Variants in KIF16B observed in about 807,000 individuals in gnomAD.
KIF16B encodes the protein kinesin family member 16B.
KIF16B carries 98 observed loss-of-function variants against 156.3 expected under a neutral mutation model. That is an observed-to-expected ratio of 0.63 (90% CI 0.53 to 0.74). KIF16B has a LOEUF of 0.74. Among genes scored for constraint, KIF16B ranks in the 30% least tolerant of loss-of-function variants. The pLI is 0.00. For synonymous variants in KIF16B, 564 were observed against 583.7 expected (o/e 0.97, Z 0.49); for missense variants, 1,421 against 1,606.5 (o/e 0.88, Z 1.97).
rs915345873 is a variant in KIF16B at position 16,434,514 on chromosome 20, C to T, written c.1303-4532G>A. Among the ~76,000 whole-genome samples the T allele has an allele frequency of 4.6e-5, 7 of 152,122 alleles. 1 individual carries two copies. The South Asian group carries it at 1.5e-3, about 32-fold the overall frequency. ...CCAACAACAAAAATCTATTTTTTCC[C>T]CCTCTTAGAAAGTCTACCTGGGATC... On this transcript the variant is annotated intron_variant, in intron 12 of 25. Coordinates refer to ENST00000354981, the MANE Select transcript of KIF16B (RefSeq NM_024704.5).
chr20:16,434,469 G>T (rs1427609498), intron 12 of KIF16B, among the ~76,000 whole-genome samples: 2 of 150,764 alleles, frequency 1.3e-5, no homozygotes, highest in East Asian at 3.9e-4. Context: ...ATAGATAACC[G>T]AAAATGATAC....
chr20:16,295,374 A>C (rs1273739316), intron 25 of KIF16B, among the ~76,000 whole-genome samples: 1 of 152,122 alleles, frequency 6.6e-6, no homozygotes, highest in Non-Finnish European at 1.5e-5. Context: ...AATTCTATCT[A>C]GATAAATCTA....
rs140472300 is a variant in KIF16B, at chr20:16,391,983, C to A, written c.1785-10236G>T. 2.6e-5 allele frequency among the ~76,000 whole-genome samples: 4 copies of A among 152,294 alleles called. No individual in the cohort carries two copies. The East Asian group carries it at 7.7e-4, about 29-fold the overall frequency. ...AAACACAATGACAAGGAGTTACAGA[C>A]CACCTGAGTGAGGAGATGGTGTCAA... On this transcript the variant is annotated intron_variant, in intron 17 of 25. Transcript: ENST00000354981.
intron 16 of KIF16B, 111 bp from the exon 17 acceptor site, chr20:16,405,012 T>C: frequency 1.4e-6 from 1 of 714,644 alleles, no homozygotes; most frequent in Admixed American, 2.1e-5. Context: ...ATGCTCCTAA[T>C]TAACACGCAC....
chr20:16,441,834 G>C (rs529795593), intron 12 of KIF16B, among the ~76,000 whole-genome samples: 1 of 152,226 alleles, frequency 6.6e-6, no homozygotes, highest in South Asian at 2.1e-4. Context: ...CTACTTGTCA[G>C]GTGCTAGTCT....
Position 16,443,102 on chromosome 20 carries a change from T to A in KIF16B, c.1303-13120A>T, listed in dbSNP as rs570519454. Among the ~76,000 whole-genome samples the A allele has an allele frequency of 2.0e-5, 3 of 152,314 alleles. No homozygotes were observed. In the East Asian group the frequency reaches 5.8e-4, roughly 29 times the overall value. The stretch of plus-strand genomic sequence containing the variant: ...ATCAATGGAAATGTTCACTAGAGCA[T>A]GTTGGATTTCAGATTTCCAGATTAG... On this transcript the variant is annotated intron_variant, in intron 12 of 25. Coordinates refer to ENST00000354981, the MANE Select transcript of KIF16B (RefSeq NM_024704.5).
Position 16,410,154 on chromosome 20 carries a change from TAC to T in KIF16B, c.1613-3700_1613-3699del, listed in dbSNP as rs756931502. Among the ~76,000 whole-genome samples the T allele has an allele frequency of 3.4e-3, 401 of 117,224 alleles. 10 individuals are homozygous for T. Among genetic ancestry groups the T allele is most frequent in the African/African-American group, 4.1e-3 (112 of 27,408 alleles). The allele number at this position is 117,224 out of a possible 152,430, so 76.9% of individuals were successfully genotyped here. A position where few individuals can be genotyped will look rare whatever the true frequency, so the allele number is the denominator to read the frequency against. ...GTACATATATATATGTAGGTACATA[TAC>T]ATATATGTAGGTACATATATATATG... On this transcript the variant is annotated intron_variant, in intron 15 of 25. Coordinates refer to ENST00000354981, the MANE Select transcript of KIF16B (RefSeq NM_024704.5).
chr20:16,515,686 C>G, intron 3 of KIF16B, 22 bp from the exon 4 acceptor site: 2 of 1,266,000 alleles, frequency 1.6e-6, no homozygotes, highest in East Asian at 2.3e-5. Context: ...AAAGAACACA[C>G]AAAAGATACA....
intron 24 of KIF16B, among the ~76,000 whole-genome samples, chr20:16,315,884 G>A (rs1159786513): frequency 6.6e-6 from 1 of 152,190 alleles, no homozygotes; most frequent in Non-Finnish European, 1.5e-5. Context: ...GGTCCTACAG[G>A]TGGGGCTGGG....
At chr20:16,541,871 C>T (rs1315050601) in intron 1 of KIF16B, among the ~76,000 whole-genome samples, 1 of 152,180 alleles carries the variant, frequency 6.6e-6, no homozygotes, top group Non-Finnish European at 1.5e-5. Context: ...GCACAGATGG[C>T]CAGGCTTTTA....
intron 12 of KIF16B, among the ~76,000 whole-genome samples, chr20:16,443,172 GAA>G (rs200428457): frequency 0.011 from 1,690 of 152,238 alleles, 36 homozygotes; most frequent in African/African-American, 0.039. Flanking sequence ...GGAGAAGAGA[GAA>G]TATAACCCCC....
chr20:16,541,328 C>T (rs1568663985), intron 1 of KIF16B, among the ~76,000 whole-genome samples: 1 of 152,196 alleles, frequency 6.6e-6, no homozygotes, highest in Non-Finnish European at 1.5e-5. Context: ...GAACACAGCT[C>T]ACCACACAGC....
chr20:16,326,926 C>T (rs938082947), intron 24 of KIF16B, among the ~76,000 whole-genome samples: 9 of 151,174 alleles, frequency 6.0e-5, no homozygotes, highest in Admixed American at 2.6e-4. Context: ...GGAATCAGCC[C>T]AAATGCCCAT....
At chr20:16,408,273 T>C (rs1459315922) in intron 15 of KIF16B, among the ~76,000 whole-genome samples, 1 of 152,162 alleles carries the variant, frequency 6.6e-6, no homozygotes, top group African/African-American at 2.4e-5. Context: ...AAAAGGAGGA[T>C]AAGACAGTTT....
At chr20:16,449,700 T>C (rs1321558873) in intron 12 of KIF16B, among the ~76,000 whole-genome samples, 1 of 152,138 alleles carries the variant, frequency 6.6e-6, no homozygotes, top group African/African-American at 2.4e-5. Flanking sequence ...TCAAAATAGG[T>C]AAATTAAATA....
intron 12 of KIF16B, among the ~76,000 whole-genome samples, chr20:16,477,707 T>C (rs2067859198): frequency 6.6e-6 from 1 of 152,152 alleles, no homozygotes; most frequent in East Asian, 1.9e-4. Context: ...TTTTCTAAGA[T>C]GAAGAAAGAA....
intron 3 of KIF16B, among the ~76,000 whole-genome samples, chr20:16,523,966 A>G (rs1679407277): frequency 6.6e-6 from 1 of 152,226 alleles, no homozygotes; most frequent in Non-Finnish European, 1.5e-5. Context: ...AAAACTGGCT[A>G]GCCATATGCA....
At chr20:16,407,113 A>G (rs1311715834) in intron 15 of KIF16B, among the ~76,000 whole-genome samples, 1 of 152,174 alleles carries the variant, frequency 6.6e-6, no homozygotes, top group Non-Finnish European at 1.5e-5. Context: ...AAGGGGCAAA[A>G]TAATTCAAGG....
intron 19 of KIF16B, 29 bp from the exon 20 acceptor site, chr20:16,374,438 T>C (rs1159458257): frequency 6.8e-7 from 1 of 1,478,684 alleles, no homozygotes; most frequent in Non-Finnish European, 9.1e-7. Flanking sequence ...CATAATTCAT[T>C]CATTAATAGT....
Sources: gnomAD v4.1 joint callset for allele counts (sites outside exome capture counted in the v4.1 genomes callset) on GRCh38, gnomAD v4.1.1 for gene constraint, MANE v1.5 for transcripts, NCBI Gene and HGNC (gene_info 2026-07-23, HGNC 2026-07-21) for gene names.